BAZ1A: variants seen among roughly 807,000 people sequenced by gnomAD.
BAZ1A encodes the protein bromodomain adjacent to zinc finger domain protein 1A.
Under a neutral mutation model 185.2 loss-of-function variants are expected in BAZ1A, and 50 were observed. The ratio of observed to expected loss-of-function variants is 0.27; its 90% CI spans 0.22 to 0.34. The LOEUF (loss-of-function observed/expected upper bound fraction) is 0.34, where lower values mean the gene tolerates loss of function less well. Among genes scored for constraint, BAZ1A ranks in the 10% least tolerant of loss-of-function variants. BAZ1A has a pLI of 1.00. For synonymous variants in BAZ1A, 571 were observed against 615.6 expected, an observed-to-expected ratio of 0.93 and a Z score of 1.07; for missense variants, 1,356 against 1,839.9, an observed-to-expected ratio of 0.74 and a Z score of 4.81.
intron 21 of BAZ1A, among the ~76,000 whole-genome samples, chr14:34,769,302 C>T (rs1296809048): frequency 6.6e-6 from 1 of 152,126 alleles, no homozygotes; most frequent in Non-Finnish European, 1.5e-5. Context: ...TATGGAGCAG[C>T]AACAGTAGAC....
At chr14:34,819,280 T>TCCC (rs2042051821) in intron 4 of BAZ1A, among the ~76,000 whole-genome samples, 1 of 151,590 alleles carries the variant, frequency 6.6e-6, no homozygotes, top group South Asian at 2.1e-4. Flanking sequence ...TTGGAACATA[T>TCCC]CCCCCATGGA....
intron 3 of BAZ1A, among the ~76,000 whole-genome samples, chr14:34,845,998 T>C (rs1299930776): frequency 6.6e-6 from 1 of 152,286 alleles, no homozygotes. Context: ...TCTGAAACTG[T>C]AGTAACCATG....
At chr14:34,784,390 A>G (rs1159779235) in intron 14 of BAZ1A, among the ~76,000 whole-genome samples, 1 of 150,292 alleles carries the variant, frequency 6.7e-6, no homozygotes, top group Non-Finnish European at 1.5e-5. Flanking sequence ...AAAAAAAAAA[A>G]AAAAAGGCAA....
At position 34,857,182 on chromosome 14, in the gene BAZ1A, ATT is replaced by A. The variant is rs573597352; in HGVS notation, c.392+4860_392+4861del. ...CCACTACGCCTGGCTAACTTTTTGTATTTTTAGTAGAGATGGGGTTTCACCGT... is the reference window on the plus strand; with the variant it reads ...CCACTACGCCTGGCTAACTTTTTGTATTTAGTAGAGATGGGGTTTCACCGT... On this transcript the variant is annotated intron_variant, in intron 3 of 26. Coordinates refer to ENST00000360310, the MANE Select transcript of BAZ1A (RefSeq NM_013448.3). Among the ~76,000 whole-genome samples the A allele has an allele frequency of 5.3e-5, 8 of 151,798 alleles. No individual in the cohort carries two copies. In the South Asian group the frequency reaches 1.5e-3, roughly 28 times the overall value.
At chr14:34,816,378 A>G (rs544076295) in intron 4 of BAZ1A, among the ~76,000 whole-genome samples, 48 of 152,016 alleles carry the variant, frequency 3.2e-4, no homozygotes, top group Non-Finnish European at 6.0e-4. Flanking sequence ...GTGAGCCACC[A>G]CGCCCAGCCC....
chr14:34,755,870 G>C (rs1386915998), intron 25 of BAZ1A, among the ~76,000 whole-genome samples: 1 of 150,616 alleles, frequency 6.6e-6, no homozygotes, highest in East Asian at 1.9e-4. Context: ...ACCCAGGCTG[G>C]AGCGTAGTGG....
rs932898325 is a variant in BAZ1A at position 34,850,777 on chromosome 14, G to A, written c.392+11267C>T. 5.3e-5 allele frequency among the ~76,000 whole-genome samples: 8 copies of A among 152,166 alleles called. No individual in the cohort carries two copies. The East Asian group carries it at 1.2e-3, about 22-fold the overall frequency. ...GCACACACTCAACTTTCTCCCAGAC[G>A]GAATTAGTATGTATTCCATAGCCAT... On this transcript the variant is annotated intron_variant, in intron 3 of 26. Transcript: ENST00000360310.
intron 7 of BAZ1A, among the ~76,000 whole-genome samples, chr14:34,801,734 C>T (rs906528217): frequency 6.6e-6 from 1 of 151,884 alleles, no homozygotes; most frequent in Non-Finnish European, 1.5e-5. Context: ...CATGGTGAAA[C>T]CCCATCTCTA....
At chr14:34,770,965 G>C (rs1879178524) in intron 21 of BAZ1A, among the ~76,000 whole-genome samples, 1 of 151,640 alleles carries the variant, frequency 6.6e-6, no homozygotes, top group Non-Finnish European at 1.5e-5. Context: ...CATAATCTTT[G>C]ATTATTCAAG....
At chr14:34,814,035 T>C (rs1435446925) in intron 4 of BAZ1A, among the ~76,000 whole-genome samples, 2 of 138,344 alleles carry the variant, frequency 1.4e-5, no homozygotes, top group African/African-American at 5.2e-5. Flanking sequence ...AGAGCAAGAG[T>C]CTGTATCAAA....
chr14:34,833,634 A>T (rs2042285329), intron 3 of BAZ1A, among the ~76,000 whole-genome samples: 1 of 152,142 alleles, frequency 6.6e-6, no homozygotes, highest in Non-Finnish European at 1.5e-5. Flanking sequence ...AAGTATCCGG[A>T]ATAGGCAAAT....
At chr14:34,851,110 A>G (rs1001901700) in intron 3 of BAZ1A, among the ~76,000 whole-genome samples, 1 of 152,076 alleles carries the variant, frequency 6.6e-6, no homozygotes, top group Non-Finnish European at 1.5e-5. Context: ...ATGCTGGTAG[A>G]TCACTTGAGG....
At chr14:34,796,717 T>C (rs1407731623) in intron 9 of BAZ1A, among the ~76,000 whole-genome samples, 1 of 152,222 alleles carries the variant, frequency 6.6e-6, no homozygotes, top group Non-Finnish European at 1.5e-5. Flanking sequence ...CTTAATATGT[T>C]ATTATTCTCT....
chr14:34,859,342 G>A (rs1315280160), intron 3 of BAZ1A, among the ~76,000 whole-genome samples: 1 of 151,750 alleles, frequency 6.6e-6, no homozygotes, highest in African/African-American at 2.4e-5. Flanking sequence ...GCTGAGGCGG[G>A]ATGACTGCTT....
At chr14:34,783,070 T>TA (rs1314338074) in intron 16 of BAZ1A, 49 bp downstream of exon 16, 1 of 1,388,460 alleles carries the variant, frequency 7.2e-7, no homozygotes, top group Admixed American at 2.0e-5. Context: ...GTCTGGTTTT[T>TA]ATTCTTTATG....
In BAZ1A at chr14:34,836,110, T is replaced by C. The variant is rs2042326240; in HGVS notation, c.393-9954A>G. On this transcript the variant is annotated intron_variant, in intron 3 of 26. Coordinates refer to ENST00000360310, the MANE Select transcript of BAZ1A (RefSeq NM_013448.3). Reference sequence around the variant, plus strand: ...AAAACTTTCTATAGGCCGGGCGCGGTGGCTCACGCCTGTAATCCCAGCACT... The same window carrying C: ...AAAACTTTCTATAGGCCGGGCGCGGCGGCTCACGCCTGTAATCCCAGCACT... 1.5e-4 allele frequency among the ~76,000 whole-genome samples: 4 copies of C among 27,144 alleles called. 1 individual carries two copies. In the Admixed American group the frequency reaches 1.7e-3, roughly 12 times the overall value. 17.8% of individuals were successfully genotyped at this position (27,144 alleles called of 152,430 possible).
At chr14:34,777,382 G>T (rs555218521) in intron 17 of BAZ1A, among the ~76,000 whole-genome samples, 16 of 152,350 alleles carry the variant, frequency 1.1e-4, no homozygotes, top group Non-Finnish European at 2.4e-4. Context: ...GGTGGCCCAT[G>T]CCTGTAATCC....
At chr14:34,865,827 A>C (rs903761126) in intron 2 of BAZ1A, among the ~76,000 whole-genome samples, 1 of 152,220 alleles carries the variant, frequency 6.6e-6, no homozygotes, top group African/African-American at 2.4e-5. Flanking sequence ...GGAAGGGAAG[A>C]ATTCAGAAGG....
chr14:34,759,367 T>C (rs886666325), intron 24 of BAZ1A, among the ~76,000 whole-genome samples: 12 of 151,862 alleles, frequency 7.9e-5, no homozygotes, highest in Non-Finnish European at 1.8e-4. Flanking sequence ...GTATTTTTAG[T>C]AGAGACAGGG....
Sources: gnomAD v4.1 joint callset for allele counts (sites outside exome capture counted in the v4.1 genomes callset) on GRCh38, gnomAD v4.1.1 for gene constraint, MANE v1.5 for transcripts, NCBI Gene and HGNC (gene_info 2026-07-23, HGNC 2026-07-21) for gene names.